Variants in PIK3CB observed in about 807,000 individuals in gnomAD.
PIK3CB encodes the protein phosphatidylinositol 4,5-bisphosphate 3-kinase catalytic subunit beta isoform.
A neutral mutation model predicts 136.8 loss-of-function variants in PIK3CB; 39 were observed. The observed-to-expected ratio is 0.29, with a 90% CI of 0.22 to 0.37. PIK3CB has a LOEUF of 0.37. PIK3CB is among the 10% of genes least tolerant of loss of function. The probability of loss-of-function intolerance (pLI) is 1.00; values close to 1 mark genes in which losing one functional copy is unlikely to be tolerated. For synonymous variants in PIK3CB, 428 were observed against 436.6 expected, an observed-to-expected ratio of 0.98 and a Z score of 0.25; for missense variants, 868 against 1,275.4, an observed-to-expected ratio of 0.68 and a Z score of 4.87.
At chr3:138,721,319 C>T (rs2044722445) in intron 8 of PIK3CB, among the ~76,000 whole-genome samples, 1 of 152,136 alleles carries the variant, frequency 6.6e-6, no homozygotes. Flanking sequence ...CCTGCCACCA[C>T]ACCTGGCTAA....
intron 19 of PIK3CB, among the ~76,000 whole-genome samples, chr3:138,678,624 T>C (rs2043698385): frequency 6.6e-6 from 1 of 151,900 alleles, no homozygotes; most frequent in Non-Finnish European, 1.5e-5. Flanking sequence ...CTATATGCTA[T>C]TTACAGGAGA....
chr3:138,748,224 C>T (rs549125036), intron 4 of PIK3CB, among the ~76,000 whole-genome samples: 2 of 151,176 alleles, frequency 1.3e-5, no homozygotes, highest in East Asian at 3.9e-4. Context: ...TTTTATCAAT[C>T]GTAATCTCAA....
chr3:138,805,295 T>C (rs1364828556), intron 1 of PIK3CB, among the ~76,000 whole-genome samples: 1 of 148,078 alleles, frequency 6.8e-6, no homozygotes, highest in Non-Finnish European at 1.5e-5. Context: ...ATCGTGACAC[T>C]GCACTCCAGC....
chr3:138,776,067 G>A (rs542304223), intron 2 of PIK3CB, among the ~76,000 whole-genome samples: 9 of 151,880 alleles, frequency 5.9e-5, no homozygotes, highest in Non-Finnish European at 7.4e-5. Context: ...GCGTGGTGGC[G>A]TGTGCCTGTA....
chr3:138,694,746 G>C (rs767333087), intron 14 of PIK3CB, 40 bp downstream of exon 14: 3 of 1,603,900 alleles, frequency 1.9e-6, no homozygotes, highest in South Asian at 2.2e-5. Context: ...ACCCACCCAA[G>C]TTATTCCTTG....
At chr3:138,667,826 G>A (rs918711004) in intron 19 of PIK3CB, among the ~76,000 whole-genome samples, 1 of 151,878 alleles carries the variant, frequency 6.6e-6, no homozygotes, top group Non-Finnish European at 1.5e-5. Context: ...CAGCACTTTG[G>A]GTGGCCGAGG....
intron 2 of PIK3CB, among the ~76,000 whole-genome samples, chr3:138,786,092 C>CAAATA (rs199532851): frequency 0.024 from 3,683 of 152,064 alleles, 156 homozygotes; most frequent in African/African-American, 0.085. Flanking sequence ...GACTCCATCT[C>CAAATA]AAATAAAATA....
chr3:138,695,660 T>A (rs1461226791), intron 13 of PIK3CB, among the ~76,000 whole-genome samples: 4 of 152,092 alleles, frequency 2.6e-5, no homozygotes, highest in Non-Finnish European at 5.9e-5. Context: ...TTCAGTTGTT[T>A]TACATTTGAA....
intron 2 of PIK3CB, among the ~76,000 whole-genome samples, chr3:138,795,957 C>CA (rs535848523): frequency 1.6e-4 from 25 of 152,274 alleles, no homozygotes; most frequent in African/African-American, 5.3e-4. Context: ...ACACTACTGA[C>CA]ACTCCTCTCT....
intron 1 of PIK3CB, 101 bp downstream of exon 1, chr3:138,834,594 G>C (rs566630281): frequency 2.0e-5 from 3 of 152,626 alleles, no homozygotes; most frequent in Non-Finnish European, 4.4e-5. Context: ...GTAGCGGCAA[G>C]CTAGAACGCA....
intron 2 of PIK3CB, among the ~76,000 whole-genome samples, chr3:138,795,210 C>T (rs1204576786): frequency 1.3e-5 from 2 of 150,570 alleles, no homozygotes; most frequent in Non-Finnish European, 2.9e-5. Flanking sequence ...ATCCCAGCTA[C>T]TTGGGAGACT....
chr3:138,778,732 T>A, intron 2 of PIK3CB: 1 of 255,874 alleles, frequency 3.9e-6, no homozygotes, highest in Admixed American at 4.3e-5. Flanking sequence ...ATGACTACTT[T>A]GTCAAGCTCA....
intron 2 of PIK3CB, chr3:138,770,414 A>G (rs1344942522): frequency 6.6e-6 from 1 of 152,150 alleles, no homozygotes; most frequent in Non-Finnish European, 1.5e-5. Context: ...GATATTTAAA[A>G]AGAGATTTTT....
chr3:138,676,298 TAA>T (rs755826255), intron 19 of PIK3CB, among the ~76,000 whole-genome samples: 2 of 152,052 alleles, frequency 1.3e-5, no homozygotes, highest in Non-Finnish European at 2.9e-5. Context: ...GTGGCTATAA[TAA>T]AAAAAGATGG....
chr3:138,652,944 T>A lies in PIK3CB; in HGVS notation c.*2445A>T, dbSNP rs2043142771. 1 of 216,488 alleles carries A rather than the reference T, an allele frequency of 4.6e-6. No individual in the cohort carries two copies. The highest frequency in any genetic ancestry group is 9.3e-6 in the Non-Finnish European group (1 of 107,834). The allele number at this position is 216,488 out of a possible 1,614,324, so 13.4% of individuals were successfully genotyped here. Reference sequence around the variant, plus strand: ...CAGTTCTCTCTGGTGATGCTGATGCTCCTCATCAGGGGACCACACTTGGAG... The same window carrying A: ...CAGTTCTCTCTGGTGATGCTGATGCACCTCATCAGGGGACCACACTTGGAG... On this transcript the variant is annotated 3_prime_UTR_variant, in exon 24 of 24. Transcript: ENST00000674063.
At chr3:138,713,456 G>A (rs961588088) in intron 9 of PIK3CB, among the ~76,000 whole-genome samples, 1 of 152,080 alleles carries the variant, frequency 6.6e-6, no homozygotes, top group African/African-American at 2.4e-5. Context: ...TGAATCACAA[G>A]GTCAGGGGTT....
At chr3:138,719,235 A>ATTT (rs34980826) in intron 8 of PIK3CB, among the ~76,000 whole-genome samples, 4 of 69,616 alleles carry the variant, frequency 5.7e-5, no homozygotes, top group Non-Finnish European at 1.0e-4. Context: ...TTAGCTCAGT[A>ATTT]TTTTTTTTTT....
At chr3:138,721,767 T>C (rs1449385212) in intron 8 of PIK3CB, among the ~76,000 whole-genome samples, 2 of 152,202 alleles carry the variant, frequency 1.3e-5, no homozygotes, top group Non-Finnish European at 2.9e-5. Flanking sequence ...CTGTCAATAT[T>C]GTATTTTATG....
intron 2 of PIK3CB, among the ~76,000 whole-genome samples, chr3:138,781,555 T>G (rs2045923927): frequency 2.0e-5 from 3 of 151,440 alleles, no homozygotes; most frequent in African/African-American, 7.3e-5. Flanking sequence ...CGGGTTCAGG[T>G]GATTCTCTTG....
Sources: allele counts gnomAD v4.1 joint callset (sites outside exome capture counted in the v4.1 genomes callset), GRCh38; gene constraint gnomAD v4.1.1; transcripts MANE v1.5; gene names NCBI Gene and HGNC (gene_info 2026-07-23, HGNC 2026-07-21).